Variants in EXD1 observed in about 807,000 individuals in gnomAD.
EXD1 encodes the protein piRNA biogenesis protein EXD1.
A neutral mutation model predicts 49.1 loss-of-function variants in EXD1; 63 were observed. That is an observed-to-expected ratio of 1.28 (90% CI 1.05 to 1.58). The LOEUF is 1.58. Among genes scored for constraint, EXD1 ranks in the 40% most tolerant of loss-of-function variants. EXD1 has a pLI of 0.00. For synonymous variants in EXD1, 234 were observed against 239.2 expected, an observed-to-expected ratio of 0.98 and a Z score of 0.20; for missense variants, 748 against 666.0, an observed-to-expected ratio of 1.12 and a Z score of -1.36.
At chr15:41,193,999 A>ATTT (rs747194413) in intron 9 of EXD1, among the ~76,000 whole-genome samples, 13 of 82,922 alleles carry the variant, frequency 1.6e-4, no homozygotes, top group Admixed American at 2.7e-4. Flanking sequence ...ATGACAAGTG[A>ATTT]TTTTTTTTTT....
At chr15:41,220,158 A>T (rs1195234869) in intron 2 of EXD1, among the ~76,000 whole-genome samples, 1 of 152,162 alleles carries the variant, frequency 6.6e-6, no homozygotes, top group East Asian at 1.9e-4. Context: ...CACTGAATTT[A>T]AAATTCTCCT....
intron 2 of EXD1, among the ~76,000 whole-genome samples, chr15:41,222,180 C>T (rs925701306): frequency 1.3e-5 from 2 of 151,826 alleles, no homozygotes; most frequent in East Asian, 1.9e-4. Context: ...TTTGGGAGGC[C>T]GAGGCAGGCA....
intron 7 of EXD1, among the ~76,000 whole-genome samples, chr15:41,202,020 A>G (rs2046736306): frequency 6.6e-6 from 1 of 152,012 alleles, no homozygotes; most frequent in Non-Finnish European, 1.5e-5. Context: ...AATTTAAAAC[A>G]AAACATCCAA....
intron 4 of EXD1, 29 bp downstream of exon 4, chr15:41,217,068 T>A: frequency 1.9e-6 from 3 of 1,595,596 alleles, no homozygotes; most frequent in Non-Finnish European, 2.6e-6. Context: ...TTGGAAAATA[T>A]CATAATTAAG....
chr15:41,215,879 C>T (rs1224631487), intron 5 of EXD1, 46 bp from the exon 6 acceptor site: 2 of 1,586,398 alleles, frequency 1.3e-6, no homozygotes, highest in Non-Finnish European at 1.7e-6. Context: ...TCCTCAGCAA[C>T]AGAATAGCTT....
At chr15:41,217,049 T>A (rs191242929) in intron 4 of EXD1, 48 bp downstream of exon 4, 6 of 1,535,282 alleles carry the variant, frequency 3.9e-6, no homozygotes, top group Non-Finnish European at 5.4e-6. Context: ...TCTACCCTAA[T>A]GTGCACATTT....
chr15:41,222,416 G>A lies in EXD1; in HGVS notation c.134-2518C>T, dbSNP rs945019314. Among the ~76,000 whole-genome samples, 5 of 152,168 alleles carry A rather than the reference G, an allele frequency of 3.3e-5. No homozygotes were observed. The South Asian group carries it at 6.2e-4, about 19-fold the overall frequency. On this transcript the variant is annotated intron_variant, in intron 2 of 11. Coordinates refer to ENST00000458580, the MANE Select transcript of EXD1 (RefSeq NM_001286441.2). ...TAGGCATGAGCCACAGCGCCCAGCCGCTTTCCCATTGTTAACTCCTACTCA... is the reference window on the plus strand; with the variant it reads ...TAGGCATGAGCCACAGCGCCCAGCCACTTTCCCATTGTTAACTCCTACTCA...
intron 11 of EXD1, 50 bp downstream of exon 11, chr15:41,189,887 T>C (rs756284548): frequency 2.0e-5 from 32 of 1,579,808 alleles, no homozygotes; most frequent in Non-Finnish European, 2.2e-5. Flanking sequence ...TGTGTCTGCC[T>C]TCCTTGAGAA....
chr15:41,222,934 C>CAAA (rs562493256), intron 2 of EXD1, among the ~76,000 whole-genome samples: 6 of 100,180 alleles, frequency 6.0e-5, no homozygotes, highest in East Asian at 3.1e-4. Flanking sequence ...GACTCTGTCT[C>CAAA]AAAAAAAAAA....
chr15:41,219,818 T>TG lies in EXD1; in HGVS notation c.202+11dup. The TG allele has an allele frequency of 1.3e-6, 2 of 1,533,222 alleles. No individual in the cohort carries two copies. The highest frequency in any genetic ancestry group is 1.2e-5 in the South Asian group (1 of 83,900). 95.0% of individuals were successfully genotyped at this position (1,533,222 alleles called of 1,614,324 possible). A position where few individuals can be genotyped will look rare whatever the true frequency, so the allele number is the denominator to read the frequency against. On this transcript the variant is annotated intron_variant, in intron 3 of 11. Transcript: ENST00000458580. ...TCAGTACTAGCATTTTCAAGGAACA[T>TG]GGGGGTCTCACCATTCACAATCTCA... is the stretch of plus-strand genomic sequence containing the variant.
At position 41,230,633 on chromosome 15, in the gene EXD1, G is replaced by A; in HGVS notation, c.-208C>T. The stretch of plus-strand genomic sequence containing the variant: ...GGCTGCAATGAAGGAAGAAGTCTCG[G>A]GACGCTCCACGCCACCCGGCGGCGG... On this transcript the variant is annotated 5_prime_UTR_variant, in exon 1 of 12. Transcript: ENST00000458580. The A allele has an allele frequency of 2.1e-6, 3 of 1,422,242 alleles. No homozygotes were observed. Among genetic ancestry groups the A allele is most frequent in the South Asian group, 1.2e-5 (1 of 83,128 alleles). The allele number at this position is 1,422,242 out of a possible 1,614,324, so 88.1% of individuals were successfully genotyped here. A position where few individuals can be genotyped will look rare whatever the true frequency, so the allele number is the denominator to read the frequency against.
chr15:41,214,512 CA>C (rs530843088), intron 6 of EXD1, among the ~76,000 whole-genome samples: 23,912 of 133,438 alleles, frequency 0.18, 3,438 homozygotes, highest in African/African-American at 0.41. Flanking sequence ...GACTCCATCT[CA>C]AAAAAAAAAA....
At chr15:41,208,369 GAAAAAAAAAAAA>G (rs10586810) in intron 7 of EXD1, among the ~76,000 whole-genome samples, 1 of 62,678 alleles carries the variant, frequency 1.6e-5, no homozygotes, top group African/African-American at 5.2e-5. Flanking sequence ...ACTCATCTCT[GAAAAAAAAAAAA>G]AAAAAAAAAA....
chr15:41,204,462 A>T (rs772999657), intron 7 of EXD1, among the ~76,000 whole-genome samples: 4 of 151,890 alleles, frequency 2.6e-5, no homozygotes, highest in Non-Finnish European at 4.4e-5. Flanking sequence ...GAGGCAGGAG[A>T]ATCGCTGGAA....
chr15:41,206,618 C>CTTTTT (rs764744329), intron 7 of EXD1, among the ~76,000 whole-genome samples: 18 of 101,186 alleles, frequency 1.8e-4, no homozygotes, highest in Admixed American at 3.9e-4. Context: ...TTATTCAATT[C>CTTTTT]TTTTTTTTTT....
chr15:41,187,126 C>T (rs142257690), intron 11 of EXD1, among the ~76,000 whole-genome samples: 94 of 151,966 alleles, frequency 6.2e-4, no homozygotes, highest in African/African-American at 1.9e-3. Flanking sequence ...TCAGGTTATC[C>T]GCTCGCCTGG....
At chr15:41,209,136 C>G (rs1039187216) in intron 7 of EXD1, among the ~76,000 whole-genome samples, 1 of 152,086 alleles carries the variant, frequency 6.6e-6, no homozygotes, top group African/African-American at 2.4e-5. Flanking sequence ...AATAAATCTA[C>G]CAGTGAGCCA....
At chr15:41,190,185 C>A (rs942809295) in intron 10 of EXD1, 57 bp from the exon 11 acceptor site, 1 of 1,581,054 alleles carries the variant, frequency 6.3e-7, no homozygotes, top group African/African-American at 1.3e-5. Context: ...AAGAAAATAA[C>A]TGTTTTAGGC....
At chr15:41,199,722 T>TATATCTCA (rs1555414678) in intron 7 of EXD1, among the ~76,000 whole-genome samples, 2 of 94,634 alleles carry the variant, frequency 2.1e-5, no homozygotes, top group Admixed American at 1.3e-4. Context: ...ATATGATATA[T>TATATCTCA]TATATATGAT....
Sources: gnomAD v4.1 joint callset for allele counts (sites outside exome capture counted in the v4.1 genomes callset) on GRCh38, gnomAD v4.1.1 for gene constraint, MANE v1.5 for transcripts, NCBI Gene and HGNC (gene_info 2026-07-23, HGNC 2026-07-21) for gene names.